WARS2: variants seen among roughly 807,000 people sequenced by gnomAD.
The protein encoded by WARS2 is tryptophan--tRNA ligase, mitochondrial.
In WARS2, 28 loss-of-function variants were observed where a neutral mutation model predicts 36.5. The observed-to-expected ratio is 0.77, with a 90% CI of 0.57 to 1.05. WARS2 has a LOEUF of 1.05. Ranked by LOEUF, WARS2 falls within the 50% of genes least tolerant of loss-of-function variation. WARS2 has a pLI of 0.00. For missense variants in WARS2, 435 were observed against 456.8 expected (o/e 0.95, Z 0.44); for synonymous variants, 174 against 178.4 (o/e 0.98, Z 0.20).
Position 119,059,080 on chromosome 1 carries a change from T to C in WARS2, c.349-13418A>G, listed in dbSNP as rs1021370045. Among the ~76,000 whole-genome samples the C allele has an allele frequency of 2.6e-3, 388 of 151,224 alleles. 4 individuals are homozygous for C. The highest frequency in any genetic ancestry group is 6.8e-4 in the Non-Finnish European group (46 of 67,274). On this transcript the variant is annotated intron_variant, in intron 2 of 5. Transcript: ENST00000235521. ...GCCAGTGATGATGAGCATTTTTTCA[T>C]GTGTTTTTTGGCTGCATAAATGTCT...
At chr1:119,107,168 T>C (rs1412328463) in intron 1 of WARS2, among the ~76,000 whole-genome samples, 1 of 152,158 alleles carries the variant, frequency 6.6e-6, no homozygotes, top group Non-Finnish European at 1.5e-5. Context: ...TTCTTATTAT[T>C]GAGTTATAAG....
intron 1 of WARS2, among the ~76,000 whole-genome samples, chr1:119,131,713 G>A (rs1196536117): frequency 1.3e-5 from 2 of 151,924 alleles, no homozygotes; most frequent in South Asian, 2.1e-4. Flanking sequence ...TGCCCGCCTC[G>A]GCCTCCCAAA....
At chr1:119,061,668 T>G (rs1159860111) in intron 2 of WARS2, among the ~76,000 whole-genome samples, 1 of 152,250 alleles carries the variant, frequency 6.6e-6, no homozygotes, top group East Asian at 1.9e-4. Context: ...GTTATTGCTC[T>G]GTCTGTAAGT....
intron 1 of WARS2, among the ~76,000 whole-genome samples, chr1:119,116,078 G>A (rs1368298921): frequency 6.6e-6 from 1 of 152,106 alleles, no homozygotes; most frequent in Non-Finnish European, 1.5e-5. Flanking sequence ...TGTATAGTAA[G>A]GAATATGATA....
chr1:119,109,500 TAC>T (rs1490046863), intron 1 of WARS2, among the ~76,000 whole-genome samples: 2 of 152,118 alleles, frequency 1.3e-5, no homozygotes, highest in South Asian at 2.1e-4. Flanking sequence ...CTGAAATTAA[TAC>T]AGTTGATCCC....
At chr1:119,136,271 C>T (rs587739544) in intron 1 of WARS2, among the ~76,000 whole-genome samples, 6 of 152,236 alleles carry the variant, frequency 3.9e-5, no homozygotes, top group Admixed American at 3.9e-4. Flanking sequence ...CCATGGCTGC[C>T]GTACTATCTG....
chr1:119,060,166 A>T (rs991759474), intron 2 of WARS2, among the ~76,000 whole-genome samples: 2 of 152,228 alleles, frequency 1.3e-5, no homozygotes, highest in African/African-American at 4.8e-5. Context: ...AGTAATGGCT[A>T]CTTAGCTTGG....
intron 1 of WARS2, among the ~76,000 whole-genome samples, chr1:119,110,288 ACTT>A (rs1157367009): frequency 6.6e-6 from 1 of 151,990 alleles, no homozygotes; most frequent in Admixed American, 6.6e-5. Flanking sequence ...TCTCTGAAGA[ACTT>A]CTTTTAACAT....
rs1367986860 is a variant in WARS2, at chr1:119,127,244, TC to T, written c.90+13310del. 46 of 774,196 alleles carry T rather than the reference TC, an allele frequency of 5.9e-5. 1 individual carries two copies. The highest frequency in any genetic ancestry group is 5.9e-4 in the South Asian group (43 of 73,080). The allele number at this position is 774,196 out of a possible 1,614,324, so 48.0% of individuals were successfully genotyped here. ...ATGGATCGACCACTTTCTTCTTGGC[TC>T]CCTTTTTGCCGCCTTTCATAAGGCG... On this transcript the variant is annotated intron_variant, in intron 1 of 5. Transcript: ENST00000235521.
At chr1:119,131,469 T>G (rs1172564546) in intron 1 of WARS2, among the ~76,000 whole-genome samples, 4 of 149,884 alleles carry the variant, frequency 2.7e-5, no homozygotes, top group Non-Finnish European at 4.4e-5. Context: ...TTTTTTGTTT[T>G]TTTTTTTTTT....
chr1:119,042,266 G>A lies in WARS2; in HGVS notation c.513C>T (p.Tyr171=), dbSNP rs1170249132. 6.2e-7 allele frequency: 1 copy of A among 1,613,746 alleles called. No homozygotes were observed. The highest frequency in any genetic ancestry group is 1.1e-5 in the South Asian group (1 of 91,060). The part of the protein sequence containing the change: ...PVLQAADILL[Y]KSTHVPVGED... The stretch of plus-strand genomic sequence containing the variant: ...ACTGGGCTGAACTCTCTTCTTACTT[G>A]TACAACAGAATGTCGGCTGCCTGGA... The change falls in exon 4 of 6, where the codon TAC becomes TAT. Residue 171 remains tyrosine, a splice_region_variant and synonymous_variant. Transcript: ENST00000235521.
chr1:119,064,513 TA>T (rs1389724251), intron 2 of WARS2: 2 of 152,176 alleles, frequency 1.3e-5, no homozygotes, highest in African/African-American at 4.8e-5. Flanking sequence ...TGTCCCCACA[TA>T]ATCTCAACTT....
intron 1 of WARS2, among the ~76,000 whole-genome samples, chr1:119,098,910 T>C (rs1457342628): frequency 1.3e-5 from 2 of 151,756 alleles, no homozygotes; most frequent in Admixed American, 1.3e-4. Flanking sequence ...CTAATTTTTG[T>C]ATTTTTAGTA....
At chr1:119,048,970 G>A (rs896406401) in intron 2 of WARS2, among the ~76,000 whole-genome samples, 2 of 152,174 alleles carry the variant, frequency 1.3e-5, no homozygotes, top group African/African-American at 4.8e-5. Flanking sequence ...GGCTGAGGCG[G>A]GGGAATCTCT....
intron 2 of WARS2, among the ~76,000 whole-genome samples, chr1:119,058,781 G>A (rs1269435367): frequency 7.4e-6 from 1 of 135,184 alleles, no homozygotes; most frequent in African/African-American, 3.2e-5. Context: ...GTGTACATGT[G>A]TCTTTATAGC....
intron 4 of WARS2, among the ~76,000 whole-genome samples, chr1:119,038,956 A>C (rs1293524371): frequency 6.6e-6 from 1 of 152,224 alleles, no homozygotes; most frequent in Admixed American, 6.5e-5. Context: ...TGCTGGGATT[A>C]CAGGCGTGAG....
At chr1:119,041,875 A>C (rs984585356) in intron 4 of WARS2, among the ~76,000 whole-genome samples, 2 of 152,162 alleles carry the variant, frequency 1.3e-5, no homozygotes, top group Non-Finnish European at 2.9e-5. Flanking sequence ...TAATTACATG[A>C]CTTTGGGCAT....
chr1:119,042,348 G>C lies in WARS2; in HGVS notation c.431C>G (p.Ala144Gly). ...ATCGTGCTTCTGCTTGGTAGTCTTT[G>C]CCTGTGAGAGGTGAAAAGAGAGGAG... The part of the protein sequence containing the change: ...PRLQHLHQWK[A>G]KTTKQKHDGT... Residue 144 changes from alanine (A) to glycine (G), a missense_variant and splice_region_variant, in exon 4 of 6, where the codon GCA becomes GGA. Transcript: ENST00000235521. The C allele has an allele frequency of 6.2e-7, 1 of 1,613,524 alleles. No homozygotes were observed. Among genetic ancestry groups the C allele is most frequent in the Non-Finnish European group, 8.5e-7 (1 of 1,179,682 alleles).
intron 2 of WARS2, chr1:119,064,053 A>G (rs942440031): frequency 6.6e-5 from 10 of 152,202 alleles, no homozygotes; most frequent in African/African-American, 2.2e-4. Context: ...GAAAGCAGCC[A>G]GGAGGGAGGC....
Sources: gnomAD v4.1 joint callset for allele counts (sites outside exome capture counted in the v4.1 genomes callset) on GRCh38, gnomAD v4.1.1 for gene constraint, MANE v1.5 for transcripts, NCBI Gene and HGNC (gene_info 2026-07-23, HGNC 2026-07-21) for gene names.